PSMB7: variants seen among roughly 807,000 people sequenced by gnomAD.
PSMB7 encodes the protein proteasome 20S subunit beta 7.
PSMB7 carries 5 observed loss-of-function variants against 28.1 expected under a neutral mutation model. That is an observed-to-expected ratio of 0.18 (90% CI 0.09 to 0.37). The LOEUF is 0.37. PSMB7 is among the 10% of genes least tolerant of loss of function. PSMB7 has a pLI of 1.00. For synonymous variants in PSMB7, 122 were observed against 123.7 expected (o/e 0.99, Z 0.09); for missense variants, 275 against 346.2 (o/e 0.79, Z 1.63).
rs542681112 is a variant in PSMB7 at position 124,370,464 on chromosome 9, T to C, written c.571-13549A>G. On this transcript the variant is annotated intron_variant, in intron 6 of 7. Transcript: ENST00000259457. ...TAAGAATCGCCAGTCCCTTCAAATA[T>C]TGGCAGTTCCGTTTATTCAGATCTT... 5.3e-5 allele frequency among the ~76,000 whole-genome samples: 8 copies of C among 152,262 alleles called. No homozygotes were observed. In the East Asian group the frequency reaches 1.5e-3, roughly 29 times the overall value.
Position 124,359,398 on chromosome 9 carries a change from T to C in PSMB7, c.571-2483A>G, listed in dbSNP as rs900953126. 7.8e-4 allele frequency among the ~76,000 whole-genome samples: 118 copies of C among 152,196 alleles called. 6 individuals carry two copies. Reference sequence around the variant, plus strand: ...TCAATCAATCAACATCTACCAGCACTCTAACGTGCCAAGCCCTGAGTTGGG... The same window carrying C: ...TCAATCAATCAACATCTACCAGCACCCTAACGTGCCAAGCCCTGAGTTGGG... On this transcript the variant is annotated intron_variant, in intron 6 of 7. Coordinates refer to ENST00000259457, the MANE Select transcript of PSMB7 (RefSeq NM_002799.4).
In PSMB7 at chr9:124,409,041, G is replaced by T. The variant is rs575839679; in HGVS notation, c.395+3311C>A. On this transcript the variant is annotated intron_variant, in intron 4 of 7. Transcript: ENST00000259457. ...GAACTTATTTTTAAAACCTTGAAGG[G>T]TGTGTAACAATCTCTTAGCACTAAC... is the stretch of plus-strand genomic sequence containing the variant. Among the ~76,000 whole-genome samples the T allele has an allele frequency of 3.9e-5, 6 of 152,312 alleles. No homozygotes were observed. The East Asian group carries it at 7.7e-4, about 20-fold the overall frequency.
chr9:124,389,977 G>A (rs955856710), intron 5 of PSMB7, among the ~76,000 whole-genome samples: 4 of 152,236 alleles, frequency 2.6e-5, no homozygotes, highest in Middle Eastern at 3.4e-3. Context: ...CTGAAACTCC[G>A]AAAAATACAT....
intron 6 of PSMB7, among the ~76,000 whole-genome samples, chr9:124,370,646 G>A (rs1778855042): frequency 6.6e-6 from 1 of 152,038 alleles, no homozygotes; most frequent in Admixed American, 6.5e-5. Flanking sequence ...AGATCACAAG[G>A]TAAAAACAGT....
chr9:124,359,677 A>C lies in PSMB7; in HGVS notation c.571-2762T>G, dbSNP rs73666872. On this transcript the variant is annotated intron_variant, in intron 6 of 7. Transcript: ENST00000259457. The stretch of plus-strand genomic sequence containing the variant: ...CTGTGTCATTCACGCCCCACCACCA[A>C]AGAGCCTTAAGACCTGGGTAAATTT... 9.6e-3 allele frequency among the ~76,000 whole-genome samples: 1,468 copies of C among 152,248 alleles called. 24 individuals carry two copies. Among genetic ancestry groups the C allele is most frequent in the African/African-American group, 0.033 (1,391 of 41,542 alleles).
intron 6 of PSMB7, among the ~76,000 whole-genome samples, chr9:124,359,360 C>A (rs1249484803): frequency 6.6e-6 from 1 of 152,130 alleles, no homozygotes; most frequent in African/African-American, 2.4e-5. Flanking sequence ...CACCTATATG[C>A]TCACTAAAAC....
intron 4 of PSMB7, among the ~76,000 whole-genome samples, chr9:124,411,586 T>G (rs1185185421): frequency 6.6e-6 from 1 of 152,238 alleles, no homozygotes; most frequent in African/African-American, 2.4e-5. Flanking sequence ...CTAAAATCAC[T>G]GCCTCTCTTA....
rs1469370131 is a variant in PSMB7, at chr9:124,356,858, G to C, written c.628C>G (p.Leu210Val). 1 of 1,614,172 alleles carries C rather than the reference G, an allele frequency of 6.2e-7. No homozygotes were observed. Among genetic ancestry groups the C allele is most frequent in the Non-Finnish European group, 8.5e-7 (1 of 1,180,036 alleles). Residue 210 changes from leucine (L) to valine (V), a missense_variant, in exon 7 of 8, where the codon CTG becomes GTG. Coordinates refer to ENST00000259457, the MANE Select transcript of PSMB7 (RefSeq NM_002799.4). This position sits in a 1 kb window ranked among gnomAD's most constrained non-coding sequence, Gnocchi z 4.4. ...EAIAAGIFND[L>V]GSGSNIDLCV... ...AGGTCAATGTTGCTTCCGGAGCCCA[G>C]GTCGTTGAAGATGCCAGCTGCGATG...
intron 5 of PSMB7, among the ~76,000 whole-genome samples, chr9:124,391,645 CAAA>C (rs10706624): frequency 2.1e-5 from 3 of 144,156 alleles, no homozygotes. Context: ...TAGTCTCATT[CAAA>C]AAAAAAAAAA....
Position 124,415,415 on chromosome 9 carries a change from A to G in PSMB7, c.11T>C (p.Val4Ala), listed in dbSNP as rs759027992. 3.1e-6 allele frequency: 5 copies of G among 1,614,148 alleles called. No individual in the cohort carries two copies. In the South Asian group the frequency reaches 5.5e-5, roughly 18 times the overall value. Residue 4 changes from valine (V) to alanine (A), a missense_variant, in exon 1 of 8, where the codon GTG becomes GCG. By Grantham distance (64) the Val-to-Ala change is moderately conservative. Coordinates refer to ENST00000259457, the MANE Select transcript of PSMB7 (RefSeq NM_002799.4). ...TCCAACTGGTGGAGCATACACCGAC[A>G]CAGCCGCCATCTTCCCAAGAAAGCA... MAAVSVYAPPVGGF... is the reference protein window; with the variant it reads MAAASVYAPPVGGF...
At chr9:124,395,792 G>C (rs1031240013) in intron 5 of PSMB7, among the ~76,000 whole-genome samples, 1 of 152,236 alleles carries the variant, frequency 6.6e-6, no homozygotes, top group Non-Finnish European at 1.5e-5. Flanking sequence ...TGGGACCAAA[G>C]CAAGGGCTTC....
At chr9:124,359,441 T>C (rs1252721127) in intron 6 of PSMB7, among the ~76,000 whole-genome samples, 1 of 152,248 alleles carries the variant, frequency 6.6e-6, no homozygotes, top group Non-Finnish European at 1.5e-5. Context: ...ATGATCATCA[T>C]GTTCACCCCT....
At chr9:124,358,986 G>A (rs757315367) in intron 6 of PSMB7, among the ~76,000 whole-genome samples, 1 of 152,236 alleles carries the variant, frequency 6.6e-6, no homozygotes, top group Non-Finnish European at 1.5e-5. Flanking sequence ...CAATCCATTC[G>A]ACTGGGCACA....
Position 124,358,810 on chromosome 9 carries a change from GC to G in PSMB7, c.571-1896del, listed in dbSNP as rs1830439248. Among the ~76,000 whole-genome samples the G allele has an allele frequency of 3.3e-5, 5 of 152,328 alleles. No individual in the cohort carries two copies. The South Asian group carries it at 1.0e-3, about 32-fold the overall frequency. On this transcript the variant is annotated intron_variant, in intron 6 of 7. Coordinates refer to ENST00000259457, the MANE Select transcript of PSMB7 (RefSeq NM_002799.4). Reference sequence around the variant, plus strand: ...CTCTGCTTTGTTTCTTATCACTGCTGCTGGTGTCTAGAGCCAGCCAGCAGTA... The same window carrying G: ...CTCTGCTTTGTTTCTTATCACTGCTGTGGTGTCTAGAGCCAGCCAGCAGTA...
At position 124,414,649 on chromosome 9, in the gene PSMB7, A is replaced by G. The variant is rs952022965; in HGVS notation, c.156+193T>C. On this transcript the variant is annotated intron_variant, in intron 2 of 7. Transcript: ENST00000259457. ...AAGAAAGAAAGAAAAAACCTCAGCA[A>G]AGTGAGGAAAGAACATAAACTGTTA... 2.0e-5 allele frequency among the ~76,000 whole-genome samples: 3 copies of G among 152,144 alleles called. 1 individual carries two copies. Among genetic ancestry groups the G allele is most frequent in the South Asian group, 4.1e-4 (2 of 4,826 alleles).
At chr9:124,382,494 C>T (rs1169222114) in intron 6 of PSMB7, among the ~76,000 whole-genome samples, 2 of 152,056 alleles carry the variant, frequency 1.3e-5, no homozygotes, top group Admixed American at 6.5e-5. Flanking sequence ...AGGCATGAGC[C>T]GCTGCGCCCA....
chr9:124,414,474 A>C (rs1478279229), intron 2 of PSMB7, among the ~76,000 whole-genome samples: 5 of 152,196 alleles, frequency 3.3e-5, no homozygotes, highest in Admixed American at 6.5e-5. Context: ...TGTGAGAAGG[A>C]AAGTGAGCTG....
rs780445894 is a variant in PSMB7, at chr9:124,356,617, C to T, written c.722+147G>A. On this transcript the variant is annotated intron_variant, in intron 7 of 7. Transcript: ENST00000259457. This position sits in a 1 kb window ranked among gnomAD's most constrained non-coding sequence, Gnocchi z 4.4. The stretch of plus-strand genomic sequence containing the variant: ...CACTGTCATAAAGCAAGTAACAAGC[C>T]GAAGGTCTGTGTGGGAGGTTGATTT... 1.6e-4 allele frequency: 146 copies of T among 900,294 alleles called. No individual in the cohort carries two copies. The highest frequency in any genetic ancestry group is 2.2e-4 in the Non-Finnish European group (133 of 606,480). The allele number at this position is 900,294 out of a possible 1,614,324, so 55.8% of individuals were successfully genotyped here.
At chr9:124,404,618 G>A (rs889955402) in intron 5 of PSMB7, among the ~76,000 whole-genome samples, 5 of 152,134 alleles carry the variant, frequency 3.3e-5, no homozygotes, top group East Asian at 1.9e-4. Context: ...TTGGGAGGCC[G>A]AGGTGGGCAG....
Sources: gnomAD v4.1 joint callset for allele counts (sites outside exome capture counted in the v4.1 genomes callset) on GRCh38, gnomAD v4.1.1 for gene constraint, Gnocchi (gnomAD v3.1) non-coding constraint, MANE v1.5 for transcripts, NCBI Gene and HGNC (gene_info 2026-07-23, HGNC 2026-07-21) for gene names.